Variants in MBP observed in about 807,000 individuals in gnomAD.
MBP encodes Golli-MBP.
Under a neutral mutation model 35.8 loss-of-function variants are expected in MBP, and 16 were observed. That is an observed-to-expected ratio of 0.45 (90% CI 0.30 to 0.68). The LOEUF (loss-of-function observed/expected upper bound fraction) is 0.68, where lower values mean the gene tolerates loss of function less well. MBP is among the 30% of genes least tolerant of loss of function. MBP has a pLI of 0.08. For synonymous variants in MBP, 143 were observed against 159.6 expected (o/e 0.90, Z 0.78); for missense variants, 380 against 404.7 (o/e 0.94, Z 0.52).
rs751411918 is a variant in MBP, at chr18:76,988,886, C to T, written c.708G>A (p.Ser236=). The part of the protein sequence containing the change: ...NIVTPRTPPP[S]QGKGRGLSLS... ...CATTCCAAGGTCTTACCTTTCCCTG[C>T]GACGGGGGTGGTGTGCGAGGCGTCA... is the stretch of plus-strand genomic sequence containing the variant. The change falls in exon 6 of 9, where the codon TCG becomes TCA. Residue 236 remains serine (S), a synonymous_variant. Coordinates refer to ENST00000355994, the MANE Select transcript of MBP (RefSeq NM_001025101.2). This position sits in a 1 kb window ranked among gnomAD's most constrained non-coding sequence, Gnocchi z 5.2. 7 of 1,613,698 alleles carry T rather than the reference C, an allele frequency of 4.3e-6. No homozygotes were observed. Among genetic ancestry groups the T allele is most frequent in the East Asian group, 2.2e-5 (1 of 44,846 alleles).
Position 77,057,949 on chromosome 18 carries a change from C to T in MBP, c.139+8349G>A, listed in dbSNP as rs866655963. On this transcript the variant is annotated intron_variant, in intron 3 of 8. Transcript: ENST00000355994. ...TCACGCCATTCTCCTGCCTCAGCCT[C>T]CCGAGTAGCTGGGACTACAGGCGCC... 1.2e-3 allele frequency among the ~76,000 whole-genome samples: 70 copies of T among 56,596 alleles called. 33 individuals carry two copies. The highest frequency in any genetic ancestry group is 8.3e-3 in the African/African-American group (70 of 8,448). The allele number at this position is 56,596 out of a possible 152,430, so 37.1% of individuals were successfully genotyped here.
rs1334659040 is a variant in MBP, at chr18:77,102,201, A to AG, written c.51+3009dup. On this transcript the variant is annotated intron_variant, in intron 2 of 8. Coordinates refer to ENST00000355994, the MANE Select transcript of MBP (RefSeq NM_001025101.2). This position sits in a 1 kb window ranked among gnomAD's most constrained non-coding sequence, Gnocchi z 4.4. ...AGCAGCCTGGGCCGGGCAGTGGGGCAGAGGCAGTGTGTGGGGTAGACCGGG... is the reference window on the plus strand; with the variant it reads ...AGCAGCCTGGGCCGGGCAGTGGGGCAGGAGGCAGTGTGTGGGGTAGACCGGG... Among the ~76,000 whole-genome samples, 1 of 152,176 alleles carries AG rather than the reference A, an allele frequency of 6.6e-6. No homozygotes were observed. The highest frequency in any genetic ancestry group is 1.5e-5 in the Non-Finnish European group (1 of 68,018).
chr18:77,052,064 G>A (rs1388977193), intron 3 of MBP, among the ~76,000 whole-genome samples: 1 of 152,168 alleles, frequency 6.6e-6, no homozygotes, highest in East Asian at 1.9e-4. Context: ...GGCTGGAGAA[G>A]GCGTGTGAGT....
chr18:77,022,265 G>A lies in MBP; in HGVS notation c.140-4997C>T, dbSNP rs146927223. On this transcript the variant is annotated intron_variant, in intron 3 of 8. Coordinates refer to ENST00000355994, the MANE Select transcript of MBP (RefSeq NM_001025101.2). ...TGGAACCCAGGGTCGCGGTGGTCTC[G>A]TCCATGCACCCAAGGGATTGCGTAC... Among the ~76,000 whole-genome samples, 377 of 152,196 alleles carry A rather than the reference G, an allele frequency of 2.5e-3. 2 individuals are homozygous for A. The highest frequency in any genetic ancestry group is 8.3e-3 in the African/African-American group (346 of 41,508).
intron 3 of MBP, among the ~76,000 whole-genome samples, chr18:77,055,955 C>T (rs1387872469): frequency 1.3e-5 from 2 of 152,216 alleles, no homozygotes; most frequent in East Asian, 1.9e-4. Context: ...AAAGAAAAAA[C>T]GAAGTGAGGC....
At chr18:76,997,918 G>C (rs1017603516) in intron 4 of MBP, among the ~76,000 whole-genome samples, 7 of 141,366 alleles carry the variant, frequency 5.0e-5, no homozygotes, top group Admixed American at 4.9e-4. Flanking sequence ...TCCTGACCTC[G>C]TGATCCGCCC....
chr18:77,096,908 G>C (rs1238943566), intron 2 of MBP, among the ~76,000 whole-genome samples: 1 of 152,218 alleles, frequency 6.6e-6, no homozygotes, highest in Non-Finnish European at 1.5e-5. Context: ...AAGGTTTTCA[G>C]ACCTCTCATC....
intron 2 of MBP, among the ~76,000 whole-genome samples, chr18:77,090,492 C>T (rs140794782): frequency 8.4e-4 from 128 of 152,328 alleles, no homozygotes; most frequent in African/African-American, 2.7e-3. Flanking sequence ...GCCATTTCCT[C>T]GCCAACAAAA....
Position 76,988,308 on chromosome 18 carries a change from AG to A in MBP, c.750+186del, listed in dbSNP as rs1969679999. Reference sequence around the variant, plus strand: ...GAAGCAAGAGACCAGACCTTCCGGAAGGGAAGACCACGTTTCATTTCCCCAG... The same window carrying A: ...GAAGCAAGAGACCAGACCTTCCGGAAGGAAGACCACGTTTCATTTCCCCAG... On this transcript the variant is annotated intron_variant, in intron 7 of 8. Transcript: ENST00000355994. The surrounding 1 kb of genome is among the most constrained non-coding windows in gnomAD (Gnocchi z 5.2). 1 of 1,564,710 alleles carries A rather than the reference AG, an allele frequency of 6.4e-7. No individual in the cohort carries two copies. The highest frequency in any genetic ancestry group is 1.4e-5 in the African/African-American group (1 of 73,624).
intron 2 of MBP, among the ~76,000 whole-genome samples, chr18:77,090,353 T>G (rs548762905): frequency 6.6e-6 from 1 of 152,226 alleles, no homozygotes; most frequent in South Asian, 2.1e-4. Context: ...CTATTCACAC[T>G]CACGTGTCCA....
chr18:77,016,789 T>C, intron 4 of MBP, 43 bp downstream of exon 4: 4 of 1,602,974 alleles, frequency 2.5e-6, no homozygotes, highest in South Asian at 1.1e-5. Context: ...TCTCCTTTGC[T>C]TTTTCCATTT....
intron 3 of MBP, among the ~76,000 whole-genome samples, chr18:77,053,053 C>G (rs1384425014): frequency 6.6e-6 from 1 of 152,220 alleles, no homozygotes; most frequent in South Asian, 2.1e-4. Context: ...AATAGAAGGC[C>G]CCAAAAGAAG....
At chr18:76,997,683 G>A (rs1970351044) in intron 4 of MBP, among the ~76,000 whole-genome samples, 1 of 150,908 alleles carries the variant, frequency 6.6e-6, no homozygotes, top group South Asian at 2.1e-4. Context: ...CTGCATCTGA[G>A]CCACTTTTTT....
chr18:77,016,804 T>G (rs968976639), intron 4 of MBP, 28 bp downstream of exon 4: 2 of 1,609,006 alleles, frequency 1.2e-6, no homozygotes, highest in Non-Finnish European at 1.7e-6. Flanking sequence ...CCATTTAAAC[T>G]AAAACTCCTC....
chr18:77,000,893 AAAG>A (rs1221630304), intron 4 of MBP, among the ~76,000 whole-genome samples: 1 of 152,188 alleles, frequency 6.6e-6, no homozygotes, highest in Non-Finnish European at 1.5e-5. Flanking sequence ...GGATTTTATT[AAAG>A]GAGATACGTT....
At chr18:76,992,985 G>T (rs552658116) in intron 4 of MBP, among the ~76,000 whole-genome samples, 89 of 152,252 alleles carry the variant, frequency 5.8e-4, no homozygotes, top group Non-Finnish European at 1.1e-3. Flanking sequence ...TGAAACCTCC[G>T]CAGGGCCCAG....
chr18:77,047,480 C>T (rs567262888), intron 3 of MBP, among the ~76,000 whole-genome samples: 22 of 152,250 alleles, frequency 1.4e-4, no homozygotes, highest in Admixed American at 4.6e-4. Flanking sequence ...TGAGACGTGT[C>T]GGGGAAGAGA....
At chr18:77,083,706 TG>T (rs1975072932) in intron 2 of MBP, among the ~76,000 whole-genome samples, 1 of 152,232 alleles carries the variant, frequency 6.6e-6, no homozygotes, top group Admixed American at 6.5e-5. Flanking sequence ...TGCTGTAACA[TG>T]GATGAATCCT....
intron 1 of MBP, among the ~76,000 whole-genome samples, chr18:77,118,570 A>G (rs1302449720): frequency 1.3e-5 from 2 of 151,670 alleles, no homozygotes; most frequent in East Asian, 3.9e-4. Flanking sequence ...GGATTCCAAC[A>G]CACAGGCCAC....
Sources: gnomAD v4.1 joint callset for allele counts (sites outside exome capture counted in the v4.1 genomes callset) on GRCh38, gnomAD v4.1.1 for gene constraint, Gnocchi (gnomAD v3.1) non-coding constraint, MANE v1.5 for transcripts, NCBI Gene and HGNC (gene_info 2026-07-23, HGNC 2026-07-21) for gene names.